The following HEATR4 variants were observed in gnomAD, a reference collection of about 807,000 sequenced individuals.
HEATR4 encodes HEAT repeat-containing protein 4.
HEATR4 carries 95 observed loss-of-function variants against 108.8 expected under a neutral mutation model. The ratio of observed to expected loss-of-function variants is 0.87; its 90% confidence interval spans 0.74 to 1.04. The LOEUF is 1.04. Ranked by LOEUF, HEATR4 falls within the 50% of genes least tolerant of loss-of-function variation. The pLI is 0.00. For missense variants in HEATR4, 1,152 were observed against 1,253.8 expected (o/e 0.92, Z 1.23); for synonymous variants, 443 against 459.4 (o/e 0.96, Z 0.46).
Position 73,493,133 on chromosome 14 carries a change from A to G in HEATR4, c.2786-9T>C. The G allele has an allele frequency of 4.3e-6, 7 of 1,611,856 alleles. No individual in the cohort carries two copies. Among genetic ancestry groups the G allele is most frequent in the Non-Finnish European group, 5.9e-6 (7 of 1,178,872 alleles). On this transcript the variant is annotated splice_polypyrimidine_tract_variant and intron_variant, in intron 16 of 17. Transcript: ENST00000553558. ...AGGAAGAACCATCTCATCTAGGTAC[A>G]AAAGGAAAAGGAGAAGTTGGAGGTG...
the HEATR4 span, among the ~76,000 whole-genome samples, chr14:73,583,378 A>C: frequency 2.0e-5 from 3 of 149,714 alleles, no homozygotes; most frequent in Middle Eastern, 3.4e-3. Flanking sequence ...TGCAGTTTCC[A>C]CCTCCTGAAA....
the HEATR4 span, among the ~76,000 whole-genome samples, chr14:73,613,766 T>C: frequency 1.3e-5 from 2 of 152,078 alleles, no homozygotes; most frequent in African/African-American, 4.8e-5. Flanking sequence ...TTGCTGAAAA[T>C]GTCTGTACTA....
chr14:73,495,790 C>G (rs1220212090), intron 15 of HEATR4, among the ~76,000 whole-genome samples: 1 of 152,112 alleles, frequency 6.6e-6, no homozygotes, highest in East Asian at 1.9e-4. Context: ...TTTTAAAGTC[C>G]TTTCCCCTCT....
upstream of HEATR4, among the ~76,000 whole-genome samples, chr14:73,561,218 T>A (rs903646156): frequency 1.3e-5 from 2 of 151,256 alleles, no homozygotes; most frequent in Admixed American, 1.3e-4. Flanking sequence ...ATACAAAAAT[T>A]AGCCAGGCGT....
the HEATR4 span, chr14:73,569,014 A>G: frequency 3.5e-6 from 2 of 572,442 alleles, no homozygotes; most frequent in South Asian, 4.7e-5. Flanking sequence ...GTTCTTTAAG[A>G]ACCAGCCCTG....
the HEATR4 span, among the ~76,000 whole-genome samples, chr14:73,586,702 GAAAAAAAAAAA>G: frequency 8.2e-4 from 101 of 123,040 alleles, no homozygotes; most frequent in African/African-American, 2.7e-3. Context: ...GACTCTGTCT[GAAAAAAAAAAA>G]AAAAAAAATT....
chr14:73,633,733 G>A, the HEATR4 span: 1 of 152,190 alleles, frequency 6.6e-6, no homozygotes, highest in African/African-American at 2.4e-5. Flanking sequence ...TCTTCCAGAT[G>A]GTTCCACACG....
the HEATR4 span, among the ~76,000 whole-genome samples, chr14:73,631,231 A>C: frequency 6.6e-6 from 1 of 152,174 alleles, no homozygotes; most frequent in Non-Finnish European, 1.5e-5. Flanking sequence ...ACCTGGGTTA[A>C]TTCACCTCAT....
chr14:73,502,462 G>C (rs1354267744), intron 11 of HEATR4, among the ~76,000 whole-genome samples: 1 of 152,038 alleles, frequency 6.6e-6, no homozygotes, highest in Non-Finnish European at 1.5e-5. Context: ...TAGTTTGTAG[G>C]GACTGTTAAT....
intron 4 of HEATR4, among the ~76,000 whole-genome samples, chr14:73,519,407 C>A (rs1887834211): frequency 6.6e-6 from 1 of 152,080 alleles, no homozygotes; most frequent in African/African-American, 2.4e-5. Flanking sequence ...TAGCTAGTCA[C>A]CTCATTAGAG....
At position 73,546,270 on chromosome 14, in the gene HEATR4, C is replaced by A. The variant is rs1335323340; in HGVS notation, c.-152+12481G>T. On this transcript the variant is annotated intron_variant, in intron 1 of 17. Transcript: ENST00000553558. ...TGCCAGGATTATAGGCGTGAGCCAC[C>A]GCACTTGGCAAAAAAATGTTTTAAT... Among the ~76,000 whole-genome samples the A allele has an allele frequency of 7.9e-5, 9 of 114,478 alleles. 3 individuals carry two copies. Among genetic ancestry groups the A allele is most frequent in the Non-Finnish European group, 1.3e-4 (7 of 52,570 alleles). The allele number at this position is 114,478 out of a possible 152,430, so 75.1% of individuals were successfully genotyped here. A position where few individuals can be genotyped will look rare whatever the true frequency, so the allele number is the denominator to read the frequency against.
Position 73,556,619 on chromosome 14 carries a change from A to T in HEATR4, c.-152+2132T>A, listed in dbSNP as rs1889400407. Among the ~76,000 whole-genome samples the T allele has an allele frequency of 9.7e-5, 11 of 113,554 alleles. 1 individual carries two copies. The South Asian group carries it at 3.1e-3, about 32-fold the overall frequency. The allele number at this position is 113,554 out of a possible 152,430, so 74.5% of individuals were successfully genotyped here. On this transcript the variant is annotated intron_variant, in intron 1 of 17. Transcript: ENST00000553558. ...TGTCTTGGAGTCACGGGACAGGTGT[A>T]AGGCCAAATTGTGCACTTCCCAGTC... is the stretch of plus-strand genomic sequence containing the variant.
chr14:73,529,341 T>G (rs1888557854), intron 2 of HEATR4, among the ~76,000 whole-genome samples: 3 of 111,568 alleles, frequency 2.7e-5, no homozygotes, highest in East Asian at 2.5e-4. Flanking sequence ...GGCAACAGAG[T>G]GAGACTCTGT....
At chr14:73,570,123 T>TTC in the HEATR4 span, among the ~76,000 whole-genome samples, 24 of 150,306 alleles carry the variant, frequency 1.6e-4, no homozygotes, top group Non-Finnish European at 2.5e-4. Context: ...TTTTTTTTTT[T>TTC]CCGTCCCTGC....
rs907048216 is a variant in HEATR4 at position 73,519,261 on chromosome 14, C to G, written c.1070-98G>C. ...CAGGATCAGACCCAACTTCCTTTTG[C>G]CCTAATCTAAGCCCCTAGGATCCAT... On this transcript the variant is annotated intron_variant, in intron 4 of 17. Coordinates refer to ENST00000553558, the MANE Select transcript of HEATR4 (RefSeq NM_001220484.1). The G allele has an allele frequency of 1.0e-5, 13 of 1,293,842 alleles. No individual in the cohort carries two copies. In the African/African-American group the frequency reaches 1.8e-4, roughly 18 times the overall value. The allele number at this position is 1,293,842 out of a possible 1,614,324, so 80.1% of individuals were successfully genotyped here.
chr14:73,518,049 G>A (rs932887743), intron 5 of HEATR4, among the ~76,000 whole-genome samples: 9 of 152,152 alleles, frequency 5.9e-5, no homozygotes, highest in Non-Finnish European at 1.2e-4. Context: ...TCACGCCACC[G>A]CACTCCAGCC....
chr14:73,569,491 C>T, the HEATR4 span: 2 of 1,611,994 alleles, frequency 1.2e-6, no homozygotes, highest in African/African-American at 2.7e-5. Context: ...GTGCGAATCG[C>T]CGTGCGCGGC....
intron 2 of HEATR4, among the ~76,000 whole-genome samples, chr14:73,526,268 C>T (rs1888329917): frequency 6.6e-6 from 1 of 152,228 alleles, no homozygotes; most frequent in African/African-American, 2.4e-5. Context: ...GAGGAGAATC[C>T]TCAGGTAGAG....
the HEATR4 span, among the ~76,000 whole-genome samples, chr14:73,565,497 C>T: frequency 6.6e-6 from 1 of 151,220 alleles, no homozygotes; most frequent in Non-Finnish European, 1.5e-5. Context: ...TTCTTGGTCT[C>T]ACTGACTTCA....
Sources: allele counts gnomAD v4.1 joint callset (sites outside exome capture counted in the v4.1 genomes callset), GRCh38; gene constraint gnomAD v4.1.1; transcripts MANE v1.5; gene names NCBI Gene and HGNC (gene_info 2026-07-23, HGNC 2026-07-21).